ATF3: variants seen among roughly 807,000 people sequenced by gnomAD.
The protein encoded by ATF3 is cyclic AMP-dependent transcription factor ATF-3.
A neutral mutation model predicts 18.4 loss-of-function variants in ATF3; 10 were observed. That is an observed-to-expected ratio of 0.54 (90% CI 0.34 to 0.92). ATF3 has a LOEUF of 0.92. Among genes scored for constraint, ATF3 ranks in the 40% least tolerant of loss-of-function variants. The probability of loss-of-function intolerance (pLI) is 0.02; values close to 1 mark genes in which losing one functional copy is unlikely to be tolerated. For missense variants in ATF3, 183 were observed against 222.3 expected (o/e 0.82, Z 1.12); for synonymous variants, 78 against 87.9 (o/e 0.89, Z 0.63).
intron 1 of ATF3, among the ~76,000 whole-genome samples, chr1:212,590,190 T>C (rs1664855926): frequency 6.6e-6 from 1 of 152,110 alleles, no homozygotes; most frequent in South Asian, 2.1e-4. Context: ...TGAAACATTT[T>C]GGCATGTTTG....
Position 212,619,700 on chromosome 1 carries a change from G to C in ATF3, c.*145G>C. On this transcript the variant is annotated 3_prime_UTR_variant, in exon 4 of 4. Coordinates refer to ENST00000341491, the MANE Select transcript of ATF3 (RefSeq NM_001674.4). This position sits in a 1 kb window ranked among gnomAD's most constrained non-coding sequence, Gnocchi z 4.4. Reference sequence around the variant, plus strand: ...CCATCAAGGCGGGAGGGCCTGCAGTGATTCAGCAGGCCCTTCCCATTCTGC... The same window carrying C: ...CCATCAAGGCGGGAGGGCCTGCAGTCATTCAGCAGGCCCTTCCCATTCTGC... 1 of 1,109,112 alleles carries C rather than the reference G, an allele frequency of 9.0e-7. No homozygotes were observed. Among genetic ancestry groups the C allele is most frequent in the Non-Finnish European group, 1.3e-6 (1 of 773,876 alleles). 68.7% of individuals were successfully genotyped at this position (1,109,112 alleles called of 1,614,324 possible).
At chr1:212,596,044 A>G (rs1440990207) in intron 1 of ATF3, among the ~76,000 whole-genome samples, 1 of 152,250 alleles carries the variant, frequency 6.6e-6, no homozygotes, top group Non-Finnish European at 1.5e-5. Flanking sequence ...GTTGGGGCTT[A>G]AAGTGACTGT....
intron 1 of ATF3, among the ~76,000 whole-genome samples, chr1:212,597,356 A>G (rs1654313680): frequency 6.6e-6 from 1 of 152,206 alleles, no homozygotes; most frequent in Admixed American, 6.5e-5. Context: ...TTCAGAATTT[A>G]TAATAATAGA....
chr1:212,595,680 C>T (rs964765163), intron 1 of ATF3, among the ~76,000 whole-genome samples: 2 of 152,208 alleles, frequency 1.3e-5, no homozygotes, highest in Admixed American at 6.5e-5. Context: ...GGTGCGTCCA[C>T]GGCTAGCCTC....
chr1:212,619,267 G>A lies in ATF3; in HGVS notation c.349-91G>A. ...CTTGATGAGCCCCGGTGTGTCCCAG[G>A]TACACCCCTGCATCCAGGCAGCAGC... is the stretch of plus-strand genomic sequence containing the variant. On this transcript the variant is annotated intron_variant, in intron 3 of 3. Coordinates refer to ENST00000341491, the MANE Select transcript of ATF3 (RefSeq NM_001674.4). This position sits in a 1 kb window ranked among gnomAD's most constrained non-coding sequence, Gnocchi z 4.4. 3 of 1,611,286 alleles carry A rather than the reference G, an allele frequency of 1.9e-6. No homozygotes were observed. The highest frequency in any genetic ancestry group is 4.5e-5 in the East Asian group (2 of 44,868).
At chr1:212,615,308 G>C (rs754901359) in intron 2 of ATF3, 47 bp downstream of exon 2, 37 of 1,585,982 alleles carry the variant, frequency 2.3e-5, no homozygotes, top group Admixed American at 3.5e-5. Flanking sequence ...TGTTTCGCTC[G>C]CAGCCACTGT....
upstream of ATF3, among the ~76,000 whole-genome samples, chr1:212,604,437 C>T (rs980696347): frequency 3.3e-5 from 5 of 152,154 alleles, no homozygotes; most frequent in African/African-American, 9.7e-5. Context: ...CAAGAAGTCA[C>T]CAGAGATGTA....
chr1:212,618,146 A>G lies in ATF3; in HGVS notation c.260A>G (p.Glu87Gly). The change falls in exon 3 of 4, where the codon GAA becomes GGA. Residue 87 changes from glutamate to glycine, a missense_variant. By Grantham distance (98) the Glu-to-Gly change is moderately conservative. Transcript: ENST00000341491. This position sits in a 1 kb window ranked among gnomAD's most constrained non-coding sequence, Gnocchi z 4.4. ...TKAEVAPEED[E>G]RKKRRRERNK... ...TTACAGGTAGCCCCTGAAGAAGATG[A>G]AAGGAAAAAGAGGCGACGAGAAAGA... The G allele has an allele frequency of 6.2e-7, 1 of 1,614,162 alleles. No homozygotes were observed. The highest frequency in any genetic ancestry group is 1.1e-5 in the South Asian group (1 of 91,078).
Position 212,615,180 on chromosome 1 carries a change from C to T in ATF3, c.159C>T (p.His53=), listed in dbSNP as rs747811798. ...TGAGGTTTGCCATCCAGAACAAGCACCTCTGCCACCGGATGTCCTCTGCGC... is the reference window on the plus strand; with the variant it reads ...TGAGGTTTGCCATCCAGAACAAGCATCTCTGCCACCGGATGTCCTCTGCGC... ...EELRFAIQNK[H]LCHRMSSALE... The change falls in exon 2 of 4, where the codon CAC becomes CAT. Residue 53 remains histidine (H), a synonymous_variant. Coordinates refer to ENST00000341491, the MANE Select transcript of ATF3 (RefSeq NM_001674.4). The T allele has an allele frequency of 2.5e-6, 4 of 1,614,212 alleles. No individual in the cohort carries two copies. In the East Asian group the frequency reaches 6.7e-5, roughly 27 times the overall value.
In ATF3 at chr1:212,618,127, G is replaced by A; in HGVS notation, c.241G>A (p.Val81Ile). 3 of 1,614,040 alleles carry A rather than the reference G, an allele frequency of 1.9e-6. No homozygotes were observed. The highest frequency in any genetic ancestry group is 1.1e-5 in the South Asian group (1 of 91,074). Residue 81 changes from valine to isoleucine, a missense_variant and splice_region_variant, in exon 3 of 4, where the codon GTA becomes ATA. Coordinates refer to ENST00000341491, the MANE Select transcript of ATF3 (RefSeq NM_001674.4). The surrounding 1 kb of genome is among the most constrained non-coding windows in gnomAD (Gnocchi z 4.4). ...PLGVSITKAE[V>I]APEEDERKKR... ...AATGTGTTTCTTTTGGATTTTACAGGTAGCCCCTGAAGAAGATGAAAGGAA... is the reference window on the plus strand; with the variant it reads ...AATGTGTTTCTTTTGGATTTTACAGATAGCCCCTGAAGAAGATGAAAGGAA...
At chr1:212,613,206 A>G (rs1344162334) in intron 1 of ATF3, among the ~76,000 whole-genome samples, 1 of 152,184 alleles carries the variant, frequency 6.6e-6, no homozygotes, top group Non-Finnish European at 1.5e-5. Context: ...TTAGCAGTTC[A>G]TTAAACAGAG....
At chr1:212,605,294 C>T (rs1654589537), upstream of ATF3, among the ~76,000 whole-genome samples, 1 of 152,222 alleles carries the variant, frequency 6.6e-6, no homozygotes, top group Non-Finnish European at 1.5e-5. Flanking sequence ...TGTGATGCTG[C>T]CCCTGTTTCC....
intron 1 of ATF3, among the ~76,000 whole-genome samples, chr1:212,614,602 A>AAGAG (rs1553304833): frequency 6.8e-6 from 1 of 147,148 alleles, no homozygotes; most frequent in African/African-American, 2.5e-5. Context: ...AAAAAAAAAA[A>AAGAG]AGAGAGAGAG....
intron 1 of ATF3, among the ~76,000 whole-genome samples, chr1:212,592,572 G>T (rs1285113780): frequency 6.6e-6 from 1 of 151,586 alleles, no homozygotes. Flanking sequence ...TTGAAGAAAT[G>T]AGTTAATTTG....
intron 1 of ATF3, among the ~76,000 whole-genome samples, chr1:212,580,241 C>T (rs1664657754): frequency 6.6e-6 from 1 of 152,154 alleles, no homozygotes; most frequent in Non-Finnish European, 1.5e-5. Context: ...CAATTACTTA[C>T]TTGTATCCTT....
chr1:212,583,842 G>A (rs145907151), intron 1 of ATF3, among the ~76,000 whole-genome samples: 2 of 152,228 alleles, frequency 1.3e-5, no homozygotes, highest in African/African-American at 4.8e-5. Flanking sequence ...TTTTAAAATG[G>A]GAATCATAGT....
chr1:212,577,900 T>A (rs987734818), intron 1 of ATF3, among the ~76,000 whole-genome samples: 3 of 152,248 alleles, frequency 2.0e-5, no homozygotes, highest in African/African-American at 7.2e-5. Flanking sequence ...AGTGCAGATA[T>A]CTCTTTGACA....
intron 1 of ATF3, among the ~76,000 whole-genome samples, chr1:212,566,058 C>G (rs573598415): frequency 2.4e-4 from 36 of 152,140 alleles, no homozygotes; most frequent in African/African-American, 7.0e-4. Flanking sequence ...GCTGGTTCTT[C>G]CTGTGTTTAA....
intron 1 of ATF3, among the ~76,000 whole-genome samples, chr1:212,597,544 T>G (rs1046118127): frequency 7.9e-5 from 12 of 152,082 alleles, no homozygotes; most frequent in Admixed American, 2.6e-4. Context: ...CCCTGCAAGG[T>G]GGGTCGTATT....
Sources: allele counts gnomAD v4.1 joint callset (sites outside exome capture counted in the v4.1 genomes callset), GRCh38; gene constraint gnomAD v4.1.1; non-coding constraint Gnocchi (gnomAD v3.1); transcripts MANE v1.5; gene names NCBI Gene and HGNC (gene_info 2026-07-23, HGNC 2026-07-21).